Variants in ANGEL2 observed in about 807,000 individuals in gnomAD.
ANGEL2 encodes RNA 2',3'-cyclic phosphatase ANGEL2.
A neutral mutation model predicts 66.0 loss-of-function variants in ANGEL2; 41 were observed. The observed-to-expected ratio is 0.62, with a 90% CI of 0.48 to 0.81. ANGEL2 has a LOEUF of 0.81. Among genes scored for constraint, ANGEL2 ranks in the 30% least tolerant of loss-of-function variants. ANGEL2 has a pLI of 0.00. For missense variants in ANGEL2, 561 were observed against 641.6 expected, an observed-to-expected ratio of 0.87 and a Z score of 1.36; for synonymous variants, 208 against 226.5, an observed-to-expected ratio of 0.92 and a Z score of 0.73.
Position 213,000,395 on chromosome 1 carries a change from G to C in ANGEL2, c.1262-12C>G. 6.2e-7 allele frequency: 1 copy of C among 1,606,800 alleles called. No individual in the cohort carries two copies. The highest frequency in any genetic ancestry group is 2.2e-5 in the East Asian group (1 of 44,842). Reference sequence around the variant, plus strand: ...TGTCAGATCACTGTCTGTAAGAATAGAGGAAAATATATTAATGTTATTGTT... The same window carrying C: ...TGTCAGATCACTGTCTGTAAGAATACAGGAAAATATATTAATGTTATTGTT... On this transcript the variant is annotated splice_polypyrimidine_tract_variant and intron_variant, in intron 6 of 8. Transcript: ENST00000366962.
Position 213,013,242 on chromosome 1 carries a change from C to G in ANGEL2, c.236G>C (p.Arg79Thr). 1 of 1,614,118 alleles carries G rather than the reference C, an allele frequency of 6.2e-7. No homozygotes were observed. The change falls in exon 2 of 9, where the codon AGA becomes ACA. Residue 79 changes from arginine to threonine, a missense_variant. Transcript: ENST00000366962. ...FSSRHFSLNW[R>T]PPCLFESRTQ... ...TCTAGACTCAAACAAACAGGGTGGT[C>G]TCCAATTTAGTGAAAAATGCCTACT...
intron 2 of ANGEL2, among the ~76,000 whole-genome samples, chr1:213,011,655 G>A (rs939920942): frequency 2.6e-5 from 4 of 152,086 alleles, no homozygotes; most frequent in African/African-American, 7.2e-5. Context: ...TATTTTACAC[G>A]AAAAAATCAA....
At chr1:213,006,567 CA>C (rs1222152180) in intron 4 of ANGEL2, 3 of 151,568 alleles carry the variant, frequency 2.0e-5, no homozygotes, top group Non-Finnish European at 4.4e-5. Context: ...GTTTATTTAT[CA>C]AACAGGTTTT....
rs1239121840 is a variant in ANGEL2 at position 213,013,296 on chromosome 1, TA to T, written c.181del (p.Tyr61ThrfsTer16). 1 of 1,614,030 alleles carries T rather than the reference TA, an allele frequency of 6.2e-7. No individual in the cohort carries two copies. Among genetic ancestry groups the T allele is most frequent in the African/African-American group, 1.3e-5 (1 of 74,978 alleles). On this transcript the variant is annotated frameshift_variant, in exon 2 of 9. Transcript: ENST00000366962. LOFTEE classifies it high-confidence loss of function. ...ISSCMRWPGH[Y>X]SRAPYPYFSS... ...GAAGTATGGGTAAGGAGCTCGAGAG[TA>T]ATGTCCAGGCCACCTCATACAACTA...
chr1:212,998,905 A>T (rs981571074), intron 7 of ANGEL2, among the ~76,000 whole-genome samples: 4 of 151,624 alleles, frequency 2.6e-5, no homozygotes, highest in African/African-American at 9.7e-5. Flanking sequence ...ATTGAGACGG[A>T]GGCTTGCTTT....
At chr1:213,013,071 C>G in intron 2 of ANGEL2, 22 bp downstream of exon 2, 3 of 1,599,304 alleles carry the variant, frequency 1.9e-6, no homozygotes, top group Non-Finnish European at 2.6e-6. Flanking sequence ...TATTTCTACA[C>G]CAAGATAAAT....
chr1:212,997,109 G>C, intron 8 of ANGEL2, 46 bp downstream of exon 8: 2 of 1,518,558 alleles, frequency 1.3e-6, no homozygotes, highest in Non-Finnish European at 1.8e-6. Flanking sequence ...TGAGGTTTTA[G>C]CTACTGTGCT....
intron 5 of ANGEL2, among the ~76,000 whole-genome samples, chr1:213,003,718 G>A (rs1333910166): frequency 6.6e-6 from 1 of 152,184 alleles, no homozygotes. Flanking sequence ...TAATGCAAGA[G>A]TTACCAAAAG....
At chr1:213,000,577 A>G (rs2076150070) in intron 6 of ANGEL2, 194 bp from the exon 7 acceptor site, 1 of 745,602 alleles carries the variant, frequency 1.3e-6, no homozygotes, top group Admixed American at 3.5e-5. Context: ...ATTCCAAAGC[A>G]ACATGCAAGT....
chr1:212,997,655 G>A (rs1423197080), intron 7 of ANGEL2, among the ~76,000 whole-genome samples: 1 of 152,076 alleles, frequency 6.6e-6, no homozygotes, highest in African/African-American at 2.4e-5. Context: ...GAATCAAGGG[G>A]GTCTTCAGGA....
Position 213,005,170 on chromosome 1 carries a change from A to C in ANGEL2, c.997T>G (p.Ser333Ala), listed in dbSNP as rs1193093861. Residue 333 changes from serine to alanine, a missense_variant, in exon 5 of 9, where the codon TCC (serine) becomes GCC (alanine). Transcript: ENST00000366962. ...CCATCTTTCTGGTGGGCAACACTGG[A>C]AATCTCTGCCAGTAGCATTGCCAAT... is the stretch of plus-strand genomic sequence containing the variant. ...TQLAMLLAEI[S>A]SVAHQKDGSF... The C allele has an allele frequency of 6.2e-7, 1 of 1,614,238 alleles. No individual in the cohort carries two copies. The highest frequency in any genetic ancestry group is 1.7e-5 in the Admixed American group (1 of 60,026).
chr1:213,004,430 T>G (rs1384317504), intron 5 of ANGEL2, among the ~76,000 whole-genome samples: 1 of 152,130 alleles, frequency 6.6e-6, no homozygotes, highest in African/African-American at 2.4e-5. Flanking sequence ...CATTCAAAAT[T>G]CTATCCTGCC....
At chr1:213,014,028 CGTT>C (rs781749602) in intron 1 of ANGEL2, among the ~76,000 whole-genome samples, 1 of 152,102 alleles carries the variant, frequency 6.6e-6, no homozygotes, top group Non-Finnish European at 1.5e-5. Flanking sequence ...GCATGATTCT[CGTT>C]GGGGGAAATG....
At chr1:213,000,729 T>A in intron 6 of ANGEL2, 57 bp downstream of exon 6, 2 of 1,525,888 alleles carry the variant, frequency 1.3e-6, no homozygotes, top group Non-Finnish European at 1.7e-6. Flanking sequence ...TAGTTTTATG[T>A]CTTCAAAGGG....
rs767563809 is a variant in ANGEL2 at position 212,996,622 on chromosome 1, CCAAAAAA to C, written c.1483+526_1483+532del. On this transcript the variant is annotated intron_variant, in intron 8 of 8. Transcript: ENST00000366962. ...TGGGTAACAGAGCGAGACTCTGTAT[CCAAAAAA>C]AAAAAAAAAAAATATATATATATAT... 2.2e-3 allele frequency among the ~76,000 whole-genome samples: 49 copies of C among 22,700 alleles called. 3 individuals carry two copies. The highest frequency in any genetic ancestry group is 0.012 in the East Asian group (7 of 596). The allele number at this position is 22,700 out of a possible 152,430, so 14.9% of individuals were successfully genotyped here.
Position 213,007,213 on chromosome 1 carries a change from A to G in ANGEL2, c.643-15T>C, listed in dbSNP as rs751247123. 1.9e-6 allele frequency: 3 copies of G among 1,549,004 alleles called. No homozygotes were observed. The highest frequency in any genetic ancestry group is 2.6e-6 in the Non-Finnish European group (3 of 1,152,152). On this transcript the variant is annotated splice_polypyrimidine_tract_variant and intron_variant, in intron 3 of 8. Transcript: ENST00000366962. ...AAACAAAGTACCTTGGAAGAAAAAA[A>G]TAGCTTGAATTAGAACACAGAGATG...
At chr1:213,011,729 C>A (rs1032916684) in intron 2 of ANGEL2, among the ~76,000 whole-genome samples, 1 of 152,148 alleles carries the variant, frequency 6.6e-6, no homozygotes, top group Non-Finnish European at 1.5e-5. Context: ...GAAAAGAAAG[C>A]AGGGAGTGGT....
At position 212,994,848 on chromosome 1, in the gene ANGEL2, C is replaced by G. The variant is rs1045868; in HGVS notation, c.*193G>C. On this transcript the variant is annotated 3_prime_UTR_variant, in exon 9 of 9. Transcript: ENST00000366962. ...AAGAGAATTTAGAGCTCACTTGTCA[C>G]GAAAATATTTTTCATTATTAAAAAA... The G allele has an allele frequency of 0.45, 179,342 of 397,292 alleles. 45,428 individuals are homozygous for G. Among genetic ancestry groups the G allele is most frequent in the African/African-American group, 0.82 (39,557 of 48,472 alleles). 24.6% of individuals were successfully genotyped at this position (397,292 alleles called of 1,614,324 possible). A position where few individuals can be genotyped will look rare whatever the true frequency, so the allele number is the denominator to read the frequency against.
intron 4 of ANGEL2, 96 bp downstream of exon 4, chr1:213,007,033 G>C (rs1252620798): frequency 3.4e-6 from 4 of 1,170,040 alleles, no homozygotes; most frequent in Admixed American, 3.7e-5. Context: ...GGTTGAGGCT[G>C]TAGTGAGCCA....
Sources: allele counts gnomAD v4.1 joint callset (sites outside exome capture counted in the v4.1 genomes callset), GRCh38; gene constraint gnomAD v4.1.1; transcripts MANE v1.5; gene names NCBI Gene and HGNC (gene_info 2026-07-23, HGNC 2026-07-21).